LDHC: variants seen among roughly 807,000 people sequenced by gnomAD.
LDHC encodes L-lactate dehydrogenase C chain.
Under a neutral mutation model 30.2 loss-of-function variants are expected in LDHC, and 20 were observed. That is an observed-to-expected ratio of 0.66 (90% CI 0.47 to 0.96). The LOEUF (loss-of-function observed/expected upper bound fraction) is 0.96, where lower values mean the gene tolerates loss of function less well. Among genes scored for constraint, LDHC ranks in the 40% least tolerant of loss-of-function variants. The pLI is 0.00. For synonymous variants in LDHC, 139 were observed against 132.7 expected (o/e 1.05, Z -0.32); for missense variants, 362 against 394.9 (o/e 0.92, Z 0.71).
intron 6 of LDHC, among the ~76,000 whole-genome samples, chr11:18,442,138 TCAGGGTCTG>T (rs1267955970): frequency 6.6e-6 from 1 of 152,098 alleles, no homozygotes; most frequent in African/African-American, 2.4e-5. Context: ...CACATAGCCC[TCAGGGTCTG>T]CATACTTGAT....
In LDHC at chr11:18,446,349, A is replaced by C. The variant is rs901630001; in HGVS notation, c.834+16A>C. 5 of 1,566,458 alleles carry C rather than the reference A, an allele frequency of 3.2e-6. No homozygotes were observed. The highest frequency in any genetic ancestry group is 4.4e-6 in the Non-Finnish European group (5 of 1,137,752). The stretch of plus-strand genomic sequence containing the variant: ...CATGGTTAAGGTAGGCTTAAATTAA[A>C]TCTTCATTTATCATTCTTTCCTTTA... On this transcript the variant is annotated intron_variant, in intron 7 of 7. Coordinates refer to ENST00000541669, the MANE Select transcript of LDHC (RefSeq NM_017448.5).
intron 6 of LDHC, 93 bp downstream of exon 6, chr11:18,438,738 T>A (rs536531491): frequency 3.1e-6 from 2 of 650,422 alleles, no homozygotes; most frequent in Non-Finnish European, 5.5e-6. Context: ...CCTTGCTTTT[T>A]GTGAGATAAA....
chr11:18,417,081 A>C (rs1230317377), intron 3 of LDHC, among the ~76,000 whole-genome samples: 1 of 151,998 alleles, frequency 6.6e-6, no homozygotes, highest in African/African-American at 2.4e-5. Context: ...ACAGGGTTTC[A>C]CCACGTTAGC....
intron 7 of LDHC, among the ~76,000 whole-genome samples, chr11:18,448,786 ATC>A (rs1848601042): frequency 6.6e-6 from 1 of 151,644 alleles, no homozygotes; most frequent in Non-Finnish European, 1.5e-5. Context: ...TCTTTAAACA[ATC>A]TCTGTATTTC....
chr11:18,435,041 G>A, intron 5 of LDHC, 128 bp downstream of exon 5: 2 of 553,498 alleles, frequency 3.6e-6, no homozygotes, highest in African/African-American at 1.9e-5. Context: ...TTTCCCTGGT[G>A]TAACTTTTAC....
At chr11:18,412,651 G>A in intron 1 of LDHC, 58 bp from the exon 2 acceptor site, 1 of 1,481,516 alleles carries the variant, frequency 6.7e-7, no homozygotes, top group Non-Finnish European at 9.2e-7. Context: ...AAACTGAAGA[G>A]GTAGTTTCTT....
rs1166802010 is a variant in LDHC, at chr11:18,451,076, C to T, written c.948C>T (p.Phe316=). 1.3e-6 allele frequency: 2 copies of T among 1,583,276 alleles called. No homozygotes were observed. Among genetic ancestry groups the T allele is most frequent in the Non-Finnish European group, 1.7e-6 (2 of 1,169,136 alleles). Residue 316 remains phenylalanine (F), a synonymous_variant, in exon 8 of 8, where the codon TTC becomes TTT. Transcript: ENST00000541669. ...TGAATTCTGAGGAGGAGGCCCTTTT[C>T]AAGAAGAGTGCAGAAACACTTTGGA... is the stretch of plus-strand genomic sequence containing the variant. ...INLNSEEEAL[F]KKSAETLWNI...
chr11:18,428,830 G>C (rs1437520194), intron 3 of LDHC, among the ~76,000 whole-genome samples: 1 of 150,896 alleles, frequency 6.6e-6, no homozygotes. Flanking sequence ...AGCTGAGATG[G>C]CACCACCATA....
intron 7 of LDHC, among the ~76,000 whole-genome samples, chr11:18,449,428 T>TGAAAAAA (rs1848616010): frequency 2.1e-5 from 1 of 48,434 alleles, no homozygotes; most frequent in Non-Finnish European, 3.7e-5. Context: ...CACTGTCTCC[T>TGAAAAAA]AAAAAAAAAA....
intron 4 of LDHC, among the ~76,000 whole-genome samples, chr11:18,431,463 A>AAAAAAT (rs1237327949): frequency 6.6e-6 from 1 of 152,190 alleles, no homozygotes; most frequent in African/African-American, 2.4e-5. Context: ...ACTCTGTCTC[A>AAAAAAT]AAAAATAAAA....
chr11:18,436,716 C>T (rs111838231), intron 5 of LDHC, among the ~76,000 whole-genome samples: 2,228 of 151,914 alleles, frequency 0.015, 57 homozygotes, highest in African/African-American at 0.05. Flanking sequence ...GAACTCTTGA[C>T]GTCAGGTGAT....
Position 18,424,381 on chromosome 11 carries a change from C to CAAA in LDHC, c.245-5349_245-5347dup, listed in dbSNP as rs111947706. 3.1e-3 allele frequency among the ~76,000 whole-genome samples: 463 copies of CAAA among 148,592 alleles called. 4 individuals carry two copies. The highest frequency in any genetic ancestry group is 0.011 in the African/African-American group (447 of 40,498). ...TGGGCCATGGAATGAAACTCTGTCT[C>CAAA]AAAAAAAAACAAAAAAACCCCACGA... On this transcript the variant is annotated intron_variant, in intron 3 of 7. Transcript: ENST00000541669.
At chr11:18,448,998 A>C (rs1848603890) in intron 7 of LDHC, among the ~76,000 whole-genome samples, 1 of 152,168 alleles carries the variant, frequency 6.6e-6, no homozygotes, top group Non-Finnish European at 1.5e-5. Flanking sequence ...CTCAGATGGC[A>C]TGATGGGTGG....
chr11:18,421,829 A>C (rs1848059567), intron 3 of LDHC, among the ~76,000 whole-genome samples: 1 of 152,064 alleles, frequency 6.6e-6, no homozygotes, highest in Admixed American at 6.6e-5. Context: ...GAAACCTTTA[A>C]ATTCTTAAAG....
intron 3 of LDHC, 24 bp from the exon 4 acceptor site, chr11:18,429,713 T>A: frequency 6.9e-7 from 1 of 1,457,148 alleles, no homozygotes; most frequent in Non-Finnish European, 9.5e-7. Context: ...TTGATCCAAA[T>A]ATAGTATTTT....
Position 18,420,071 on chromosome 11 carries a change from C to T in LDHC, c.244+4770C>T, listed in dbSNP as rs147868658. On this transcript the variant is annotated intron_variant, in intron 3 of 7. Coordinates refer to ENST00000541669, the MANE Select transcript of LDHC (RefSeq NM_017448.5). The stretch of plus-strand genomic sequence containing the variant: ...GCACCACTCCACACTCCAGCCTGGG[C>T]GACAAAGTGAGACTCCGTCTTAGAA... Among the ~76,000 whole-genome samples, 500 of 151,894 alleles carry T rather than the reference C, an allele frequency of 3.3e-3. 5 individuals carry two copies. Among genetic ancestry groups the T allele is most frequent in the African/African-American group, 0.012 (482 of 41,304 alleles).
At chr11:18,421,762 C>T (rs1000517422) in intron 3 of LDHC, among the ~76,000 whole-genome samples, 1 of 152,112 alleles carries the variant, frequency 6.6e-6, no homozygotes, top group East Asian at 1.9e-4. Context: ...TCCTGCCTCA[C>T]TCAGCTGGGA....
intron 7 of LDHC, among the ~76,000 whole-genome samples, chr11:18,447,427 G>A (rs1023790659): frequency 6.6e-5 from 10 of 152,018 alleles, no homozygotes; most frequent in Admixed American, 4.6e-4. Flanking sequence ...GAGCCACCAC[G>A]GCCTGTCGAT....
chr11:18,412,618 C>A (rs1042619633), intron 1 of LDHC, 91 bp from the exon 2 acceptor site: 2 of 1,193,070 alleles, frequency 1.7e-6, no homozygotes, highest in African/African-American at 1.5e-5. Flanking sequence ...GGCTTCCCCC[C>A]ATCCCCGGCT....
Sources: allele counts gnomAD v4.1 joint callset (sites outside exome capture counted in the v4.1 genomes callset), GRCh38; gene constraint gnomAD v4.1.1; transcripts MANE v1.5; gene names NCBI Gene and HGNC (gene_info 2026-07-23, HGNC 2026-07-21).